SHTN1: variants seen among roughly 807,000 people sequenced by gnomAD.
SHTN1 encodes shootin 1, also known as shootin-1.
In SHTN1, 42 loss-of-function variants were observed where a neutral mutation model predicts 83.1. That is an observed-to-expected ratio of 0.51 (90% CI 0.39 to 0.65). The LOEUF (loss-of-function observed/expected upper bound fraction) is 0.65, where lower values mean the gene tolerates loss of function less well. Among genes scored for constraint, SHTN1 ranks in the 30% least tolerant of loss-of-function variants. The probability of loss-of-function intolerance (pLI) is 0.00; values close to 1 mark genes in which losing one functional copy is unlikely to be tolerated. For missense variants in SHTN1, 622 were observed against 737.8 expected, an observed-to-expected ratio of 0.84 and a Z score of 1.82; for synonymous variants, 224 against 247.7, an observed-to-expected ratio of 0.90 and a Z score of 0.90.
chr10:117,073,937 C>A (rs147021208), intron 1 of SHTN1, among the ~76,000 whole-genome samples: 7 of 152,248 alleles, frequency 4.6e-5, no homozygotes, highest in Admixed American at 3.3e-4. Context: ...GCTCCCGCTG[C>A]CTATATCCCA....
intron 1 of SHTN1, among the ~76,000 whole-genome samples, chr10:117,084,111 G>A (rs1853312728): frequency 6.6e-6 from 1 of 152,186 alleles, no homozygotes; most frequent in South Asian, 2.1e-4. Flanking sequence ...TTTGGAGGAG[G>A]AGAGGCGCTC....
intron 2 of SHTN1, among the ~76,000 whole-genome samples, chr10:116,972,360 G>A (rs2133466412): frequency 6.6e-6 from 1 of 151,844 alleles, no homozygotes; most frequent in African/African-American, 2.4e-5. Flanking sequence ...TGTGAGTTGG[G>A]GGTGGGGAGA....
In SHTN1 at chr10:116,968,720, G is replaced by C; in HGVS notation, c.112-8C>G. On this transcript the variant is annotated splice_region_variant and splice_polypyrimidine_tract_variant and intron_variant, in intron 2 of 16. Transcript: ENST00000355371. Reference sequence around the variant, plus strand: ...TTGCCTAATTTTGTCACACTGAAATGAGAGAAGTAAACAAATGTTAAACTT... The same window carrying C: ...TTGCCTAATTTTGTCACACTGAAATCAGAGAAGTAAACAAATGTTAAACTT... 6.2e-7 allele frequency: 1 copy of C among 1,606,754 alleles called. No homozygotes were observed. The highest frequency in any genetic ancestry group is 8.5e-7 in the Non-Finnish European group (1 of 1,174,554).
chr10:116,987,566 C>T (rs1324230464), intron 1 of SHTN1, among the ~76,000 whole-genome samples: 3 of 152,008 alleles, frequency 2.0e-5, no homozygotes, highest in Admixed American at 6.6e-5. Flanking sequence ...AGGCTACATA[C>T]ATATGATTCC....
At chr10:116,934,598 G>A (rs573583436) in intron 9 of SHTN1, among the ~76,000 whole-genome samples, 1 of 152,280 alleles carries the variant, frequency 6.6e-6, no homozygotes, top group East Asian at 1.9e-4. Flanking sequence ...AAGCCAGGCA[G>A]TGTGATGACT....
At chr10:117,014,764 A>C in intron 2 of SHTN1, among the ~76,000 whole-genome samples, 1 of 152,208 alleles carries the variant, frequency 6.6e-6, no homozygotes, top group East Asian at 1.9e-4. Flanking sequence ...ACATTTAAAA[A>C]CTTATTCAGT....
intron 1 of SHTN1, among the ~76,000 whole-genome samples, chr10:117,060,347 C>A (rs1216860797): frequency 6.6e-6 from 1 of 151,986 alleles, no homozygotes; most frequent in East Asian, 1.9e-4. Context: ...TTTTAAATAT[C>A]TACTTTAATT....
At chr10:116,972,537 A>C (rs1199389464) in intron 2 of SHTN1, among the ~76,000 whole-genome samples, 2 of 152,204 alleles carry the variant, frequency 1.3e-5, no homozygotes, top group African/African-American at 4.8e-5. Flanking sequence ...CTATCAACAG[A>C]GGGAAGTCAG....
At chr10:117,096,212 TA>T (rs1853501404) in intron 1 of SHTN1, among the ~76,000 whole-genome samples, 1 of 152,312 alleles carries the variant, frequency 6.6e-6, no homozygotes, top group South Asian at 2.1e-4. Flanking sequence ...GTGCTTAAAA[TA>T]AAACAAAAGT....
intron 2 of SHTN1, among the ~76,000 whole-genome samples, chr10:116,971,382 G>A (rs1850612770): frequency 6.6e-6 from 1 of 152,170 alleles, no homozygotes; most frequent in Admixed American, 6.6e-5. Flanking sequence ...CAACATTTAT[G>A]ATTTTTTGGT....
intron 1 of SHTN1, among the ~76,000 whole-genome samples, chr10:117,065,229 C>T (rs900406711): frequency 3.3e-5 from 5 of 151,998 alleles, no homozygotes; most frequent in Admixed American, 2.0e-4. Flanking sequence ...ACCTAGATGA[C>T]GGGTTGATAA....
intron 1 of SHTN1, among the ~76,000 whole-genome samples, chr10:117,065,704 CG>C (rs1564947081): frequency 1.3e-5 from 1 of 79,640 alleles, no homozygotes; most frequent in Non-Finnish European, 2.4e-5. Context: ...GGCAACAAAG[CG>C]AGAGAGAGAG....
chr10:116,901,408 C>T (rs1415236661), intron 16 of SHTN1: 2 of 985,216 alleles, frequency 2.0e-6, no homozygotes, highest in Non-Finnish European at 2.4e-6. Flanking sequence ...CTAGTATCTT[C>T]TTGGGCTGCT....
Position 116,940,695 on chromosome 10 carries a change from A to G in SHTN1, c.712-83T>C, listed in dbSNP as rs1006145075. The G allele has an allele frequency of 3.4e-6, 4 of 1,165,692 alleles. No individual in the cohort carries two copies. The African/African-American group carries it at 6.2e-5, about 18-fold the overall frequency. The allele number at this position is 1,165,692 out of a possible 1,614,324, so 72.2% of individuals were successfully genotyped here. A position where few individuals can be genotyped will look rare whatever the true frequency, so the allele number is the denominator to read the frequency against. On this transcript the variant is annotated intron_variant, in intron 8 of 16. Transcript: ENST00000355371. ...TGTAACTTCAGCAAAAGAAAAGTAC[A>G]TGGAATTTTTATTAAATCATTAAAG... is the stretch of plus-strand genomic sequence containing the variant.
At chr10:116,951,856 C>A in intron 6 of SHTN1, 53 bp downstream of exon 6, 1 of 1,047,774 alleles carries the variant, frequency 9.5e-7, no homozygotes, top group African/African-American at 1.6e-5. Flanking sequence ...TAGCAAATCC[C>A]CAAACACCTT....
chr10:117,019,662 TG>T (rs911568243), intron 2 of SHTN1, among the ~76,000 whole-genome samples: 1 of 151,758 alleles, frequency 6.6e-6, no homozygotes, highest in African/African-American at 2.4e-5. Context: ...GGCAACACAG[TG>T]AGACCCTGTC....
chr10:117,093,064 A>C (rs1853456685), intron 1 of SHTN1, among the ~76,000 whole-genome samples: 1 of 152,168 alleles, frequency 6.6e-6, no homozygotes, highest in Non-Finnish European at 1.5e-5. Flanking sequence ...TCCTTCAATA[A>C]ATGTCAGTAG....
Position 116,955,726 on chromosome 10 carries a change from C to T in SHTN1, c.268-1516G>A, listed in dbSNP as rs188312640. 5.5e-3 allele frequency among the ~76,000 whole-genome samples: 842 copies of T among 152,232 alleles called. 6 individuals carry two copies. The highest frequency in any genetic ancestry group is 0.019 in the African/African-American group (779 of 41,532). On this transcript the variant is annotated intron_variant, in intron 4 of 16. Coordinates refer to ENST00000355371, the MANE Select transcript of SHTN1 (RefSeq NM_001127211.3). ...TCTGGAGCACGAGAGGTTTGTCTGA[C>T]CTCTTTGGAGAATCAGGAAGAATCT...
chr10:117,117,702 C>T (rs768315429), intron 1 of SHTN1, among the ~76,000 whole-genome samples: 9 of 152,040 alleles, frequency 5.9e-5, no homozygotes, highest in Non-Finnish European at 1.3e-4. Flanking sequence ...ACACACAGAC[C>T]AAGGAAACAG....
Sources: allele counts gnomAD v4.1 joint callset (sites outside exome capture counted in the v4.1 genomes callset), GRCh38; gene constraint gnomAD v4.1.1; transcripts MANE v1.5; gene names NCBI Gene and HGNC (gene_info 2026-07-23, HGNC 2026-07-21).